The following ROBO1 variants were observed in gnomAD, a reference collection of about 807,000 sequenced individuals.
ROBO1 encodes the protein roundabout guidance receptor 1.
ROBO1 carries 149 observed loss-of-function variants against 195.9 expected under a neutral mutation model. That is an observed-to-expected ratio of 0.76 (90% confidence interval 0.67 to 0.87). The LOEUF (loss-of-function observed/expected upper bound fraction) is 0.87, where lower values mean the gene tolerates loss of function less well. Among genes scored for constraint, ROBO1 ranks in the 40% least tolerant of loss-of-function variants. ROBO1 has a pLI of 0.00. For synonymous variants in ROBO1, 816 were observed against 733.2 expected, an observed-to-expected ratio of 1.11 and a Z score of -1.82; for missense variants, 1,933 against 2,068.3, an observed-to-expected ratio of 0.93 and a Z score of 1.27.
At chr3:79,233,175 A>G (rs896357509) in intron 2 of ROBO1, among the ~76,000 whole-genome samples, 1 of 152,112 alleles carries the variant, frequency 6.6e-6, no homozygotes, top group Non-Finnish European at 1.5e-5. Flanking sequence ...AGATAAAAAG[A>G]GGAGGAGAAG....
At chr3:79,203,749 T>C (rs1576810359) in intron 2 of ROBO1, among the ~76,000 whole-genome samples, 1 of 152,138 alleles carries the variant, frequency 6.6e-6, no homozygotes, top group Non-Finnish European at 1.5e-5. Context: ...ACGATTTGCA[T>C]TGTTTTGTTT....
At chr3:78,645,741 A>ACAAACATAACCTACAACTTAT (rs1226179652) in intron 21 of ROBO1, among the ~76,000 whole-genome samples, 2 of 152,132 alleles carry the variant, frequency 1.3e-5, no homozygotes, top group African/African-American at 2.4e-5. Context: ...ACAAGAATAA[A>ACAAACATAACCTACAACTTAT]CAAACATAAC....
chr3:78,679,406 T>C (rs1168068215), intron 10 of ROBO1, among the ~76,000 whole-genome samples: 2 of 152,206 alleles, frequency 1.3e-5, no homozygotes, highest in African/African-American at 4.8e-5. Context: ...GCAGATGACA[T>C]GATTGTATAT....
At chr3:78,799,329 A>ATTTTTGTT (rs1161409103) in intron 4 of ROBO1, among the ~76,000 whole-genome samples, 2 of 151,588 alleles carry the variant, frequency 1.3e-5, no homozygotes, top group Admixed American at 6.6e-5. Flanking sequence ...CTACTCTACC[A>ATTTTTGTT]TTTTTGTTTT....
chr3:78,622,724 T>A (rs2107444754), intron 26 of ROBO1, among the ~76,000 whole-genome samples: 2 of 152,308 alleles, frequency 1.3e-5, no homozygotes, highest in East Asian at 3.9e-4. Flanking sequence ...TTCTAAATGT[T>A]AACTGGCCTG....
chr3:78,915,229 T>C (rs999517545), intron 4 of ROBO1, among the ~76,000 whole-genome samples: 1 of 152,166 alleles, frequency 6.6e-6, no homozygotes, highest in Non-Finnish European at 1.5e-5. Context: ...CCTAAGATTA[T>C]GAAGGCACCT....
At chr3:78,926,435 C>A (rs2107623666) in intron 4 of ROBO1, among the ~76,000 whole-genome samples, 1 of 152,156 alleles carries the variant, frequency 6.6e-6, no homozygotes, top group African/African-American at 2.4e-5. Flanking sequence ...CAGGAGAAAA[C>A]ATCAGCAAGA....
At chr3:78,648,640 C>A in intron 19 of ROBO1, among the ~76,000 whole-genome samples, 1 of 150,796 alleles carries the variant, frequency 6.6e-6, no homozygotes. Flanking sequence ...TGACTTATTT[C>A]CAATCTCTTC....
chr3:79,624,304 A>G (rs114084531), intron 1 of ROBO1, among the ~76,000 whole-genome samples: 172 of 152,278 alleles, frequency 1.1e-3, no homozygotes, highest in African/African-American at 4.1e-3. Flanking sequence ...GTGCAAAATA[A>G]TCAAATAGCA....
chr3:79,433,374 T>G (rs527795479), intron 2 of ROBO1, among the ~76,000 whole-genome samples: 2 of 152,148 alleles, frequency 1.3e-5, no homozygotes, highest in Non-Finnish European at 2.9e-5. Context: ...AATGACATGA[T>G]CTTGTAAAAC....
chr3:79,171,764 G>A lies in ROBO1; in HGVS notation c.89-46225C>T, dbSNP rs183467414. Among the ~76,000 whole-genome samples the A allele has an allele frequency of 1.1e-4, 17 of 152,104 alleles. No homozygotes were observed. In the East Asian group the frequency reaches 3.1e-3, roughly 28 times the overall value. ...GAAATACCTTCATAGGGTGGTTATGGATACAAAAGTCAGGAAAAATTAACA... is the reference window on the plus strand; with the variant it reads ...GAAATACCTTCATAGGGTGGTTATGAATACAAAAGTCAGGAAAAATTAACA... On this transcript the variant is annotated intron_variant, in intron 2 of 30. Coordinates refer to ENST00000464233, the MANE Select transcript of ROBO1 (RefSeq NM_002941.4).
At chr3:79,015,982 C>G (rs1224035997) in intron 3 of ROBO1, among the ~76,000 whole-genome samples, 1 of 152,114 alleles carries the variant, frequency 6.6e-6, no homozygotes, top group East Asian at 1.9e-4. Context: ...GTAAGTTATC[C>G]CCTCAGTACA....
At chr3:78,660,375 T>C (rs1348051593) in intron 16 of ROBO1, 1 of 152,624 alleles carries the variant, frequency 6.6e-6, no homozygotes, top group East Asian at 1.9e-4. Flanking sequence ...AATTCCTATT[T>C]CTTCTACCGT....
intron 3 of ROBO1, among the ~76,000 whole-genome samples, chr3:79,064,336 T>C (rs2108414428): frequency 6.6e-6 from 1 of 152,010 alleles, no homozygotes; most frequent in Non-Finnish European, 1.5e-5. Flanking sequence ...TGTACTCTGA[T>C]TTTCTTTGTA....
chr3:79,134,703 C>A (rs2080364625), intron 2 of ROBO1, among the ~76,000 whole-genome samples: 1 of 85,332 alleles, frequency 1.2e-5, no homozygotes, highest in African/African-American at 4.7e-5. Context: ...GAATACTATG[C>A]AGCCATAAAA....
chr3:78,743,362 T>C (rs2082578229), intron 5 of ROBO1, among the ~76,000 whole-genome samples: 1 of 152,022 alleles, frequency 6.6e-6, no homozygotes, highest in Non-Finnish European at 1.5e-5. Flanking sequence ...TGTAATTGAC[T>C]CAGTCACCGA....
intron 8 of ROBO1, among the ~76,000 whole-genome samples, chr3:78,691,633 C>A (rs2081178054): frequency 6.6e-6 from 1 of 152,032 alleles, no homozygotes; most frequent in South Asian, 2.1e-4. Flanking sequence ...TGAAAATATG[C>A]AAAGATCGAG....
chr3:79,503,098 C>T (rs1303825748), intron 2 of ROBO1, among the ~76,000 whole-genome samples: 1 of 152,128 alleles, frequency 6.6e-6, no homozygotes, highest in Non-Finnish European at 1.5e-5. Flanking sequence ...TGCAATAAAT[C>T]TCGCTGCTGC....
chr3:79,501,819 A>T (rs1940087903), intron 2 of ROBO1, among the ~76,000 whole-genome samples: 1 of 152,184 alleles, frequency 6.6e-6, no homozygotes, highest in South Asian at 2.1e-4. Context: ...CATGCTTCCA[A>T]GGCCATGTGA....
Sources: allele counts gnomAD v4.1 joint callset (sites outside exome capture counted in the v4.1 genomes callset), GRCh38; gene constraint gnomAD v4.1.1; transcripts MANE v1.5; gene names NCBI Gene and HGNC (gene_info 2026-07-23, HGNC 2026-07-21).